CMSS1: variants seen among roughly 807,000 people sequenced by gnomAD.
The protein encoded by CMSS1 is protein CMSS1.
CMSS1 carries 33 observed loss-of-function variants against 43.5 expected under a neutral mutation model. That is an observed-to-expected ratio of 0.76 (90% CI 0.57 to 1.01). The LOEUF (loss-of-function observed/expected upper bound fraction) is 1.01, where lower values mean the gene tolerates loss of function less well. CMSS1 is among the 50% of genes least tolerant of loss of function. The pLI, the probability that CMSS1 is intolerant of heterozygous loss-of-function variation, is 0.00. For synonymous variants in CMSS1, 115 were observed against 117.2 expected (o/e 0.98, Z 0.12); for missense variants, 313 against 326.4 (o/e 0.96, Z 0.32).
intron 1 of CMSS1, among the ~76,000 whole-genome samples, chr3:100,016,742 A>AT (rs1182474333): frequency 4.3e-4 from 66 of 152,316 alleles, no homozygotes; most frequent in African/African-American, 1.5e-3. Context: ...CTTGAATCTG[A>AT]ATTGTAACAT....
At chr3:100,172,236 A>G (rs900061044) in intron 7 of CMSS1, 80 bp from the exon 8 acceptor site, 13 of 1,264,132 alleles carry the variant, frequency 1.0e-5, no homozygotes, top group Non-Finnish European at 1.5e-5. Context: ...CTTAACTTTG[A>G]GATAAAATGT....
chr3:100,114,451 C>T (rs943399806), intron 1 of CMSS1: 2 of 153,766 alleles, frequency 1.3e-5, no homozygotes, highest in East Asian at 3.8e-4. Flanking sequence ...ACCATCTGCG[C>T]AGAGCAGACA....
intron 1 of CMSS1, among the ~76,000 whole-genome samples, chr3:100,018,522 A>G (rs1006419711): frequency 1.3e-5 from 2 of 152,114 alleles, no homozygotes; most frequent in African/African-American, 4.8e-5. Flanking sequence ...ATGAAATTTG[A>G]CCTTTATCTC....
At chr3:99,832,299 C>T (rs1193267141) in intron 1 of CMSS1, among the ~76,000 whole-genome samples, 5 of 147,498 alleles carry the variant, frequency 3.4e-5, no homozygotes, top group Non-Finnish European at 4.5e-5. Flanking sequence ...GGCGCGATAT[C>T]GGCTCACTGC....
intron 1 of CMSS1, among the ~76,000 whole-genome samples, chr3:100,007,504 G>A (rs181504769): frequency 6.6e-6 from 1 of 152,218 alleles, no homozygotes; most frequent in Admixed American, 6.5e-5. Context: ...AGATGCAAAA[G>A]TCTAGTCAGC....
chr3:100,146,377 T>C (rs1019514632), intron 1 of CMSS1, among the ~76,000 whole-genome samples: 1 of 152,206 alleles, frequency 6.6e-6, no homozygotes, highest in Non-Finnish European at 1.5e-5. Flanking sequence ...CAGCATCTGA[T>C]GTCAAGGCCT....
At chr3:100,053,776 C>T (rs898208365) in intron 1 of CMSS1, among the ~76,000 whole-genome samples, 1 of 152,146 alleles carries the variant, frequency 6.6e-6, no homozygotes, top group African/African-American at 2.4e-5. Flanking sequence ...TATCCAAAGC[C>T]ACAGAAACCC....
At chr3:100,149,760 C>G (rs2066887428) in intron 2 of CMSS1, among the ~76,000 whole-genome samples, 1 of 152,166 alleles carries the variant, frequency 6.6e-6, no homozygotes, top group African/African-American at 2.4e-5. Flanking sequence ...TGACATGGAA[C>G]CTTGCCCTTA....
intron 2 of CMSS1, among the ~76,000 whole-genome samples, chr3:100,154,772 AGACAAGCCTG>A (rs1220941636): frequency 3.3e-5 from 5 of 152,184 alleles, no homozygotes; most frequent in Non-Finnish European, 7.3e-5. Flanking sequence ...CAGGAATTCA[AGACAAGCCTG>A]GCCAATGTGG....
At chr3:100,035,658 A>G (rs556349476) in intron 1 of CMSS1, among the ~76,000 whole-genome samples, 149 of 152,370 alleles carry the variant, frequency 9.8e-4, no homozygotes, top group Non-Finnish European at 1.8e-3. Flanking sequence ...AAATTGAACC[A>G]TAGAAGAGGC....
intron 1 of CMSS1, among the ~76,000 whole-genome samples, chr3:99,870,154 T>G (rs1182115913): frequency 2.6e-5 from 4 of 152,220 alleles, no homozygotes; most frequent in Admixed American, 2.6e-4. Context: ...TACTGAGAAA[T>G]ACTTGGGGTG....
intron 1 of CMSS1, among the ~76,000 whole-genome samples, chr3:99,853,981 A>G (rs1335120493): frequency 1.3e-5 from 2 of 152,210 alleles, no homozygotes; most frequent in Non-Finnish European, 2.9e-5. Flanking sequence ...TAATGCTGTT[A>G]CACATTGTGT....
intron 1 of CMSS1, among the ~76,000 whole-genome samples, chr3:99,987,988 C>G (rs571192780): frequency 6.6e-6 from 1 of 152,164 alleles, no homozygotes; most frequent in South Asian, 2.1e-4. Context: ...AAGAATAGCT[C>G]TTTTTTCTCT....
At chr3:99,961,676 A>G (rs1239073564) in intron 1 of CMSS1, among the ~76,000 whole-genome samples, 2 of 152,128 alleles carry the variant, frequency 1.3e-5, no homozygotes, top group African/African-American at 4.8e-5. Context: ...GCTACTTAGA[A>G]TATTCTTTTA....
chr3:100,035,439 A>G (rs2107272534), intron 1 of CMSS1, among the ~76,000 whole-genome samples: 1 of 152,148 alleles, frequency 6.6e-6, no homozygotes, highest in Non-Finnish European at 1.5e-5. Context: ...ACGCCCAGCT[A>G]ATTTGGTATT....
intron 1 of CMSS1, among the ~76,000 whole-genome samples, chr3:99,894,012 TGGA>T (rs757967731): frequency 4.6e-5 from 7 of 152,208 alleles, no homozygotes; most frequent in Non-Finnish European, 1.0e-4. Context: ...AGATACATTT[TGGA>T]GGAGGAAGGC....
intron 1 of CMSS1, among the ~76,000 whole-genome samples, chr3:99,920,712 C>T (rs1342265103): frequency 6.6e-6 from 1 of 152,180 alleles, no homozygotes; most frequent in African/African-American, 2.4e-5. Context: ...ACGACAGCGA[C>T]ATCACTTGGC....
At chr3:99,867,961 AG>A (rs1450351051) in intron 1 of CMSS1, among the ~76,000 whole-genome samples, 1 of 152,222 alleles carries the variant, frequency 6.6e-6, no homozygotes, top group Non-Finnish European at 1.5e-5. Flanking sequence ...ATTAACACCT[AG>A]GCAAAAAGTA....
intron 1 of CMSS1, among the ~76,000 whole-genome samples, chr3:99,983,454 ATATATG>A (rs1709213060): frequency 1.2e-4 from 1 of 8,124 alleles, no homozygotes; most frequent in Admixed American, 1.5e-3. Flanking sequence ...ATGTATATAT[ATATATG>A]TGTGTATATA....
Sources: gnomAD v4.1 joint callset for allele counts (sites outside exome capture counted in the v4.1 genomes callset) on GRCh38, gnomAD v4.1.1 for gene constraint, MANE v1.5 for transcripts, NCBI Gene and HGNC (gene_info 2026-07-23, HGNC 2026-07-21) for gene names.